Variants in CSGALNACT1 observed in about 807,000 individuals in gnomAD.
CSGALNACT1 encodes beta4GalNAcT-1.
In CSGALNACT1, 52 loss-of-function variants were observed where a neutral mutation model predicts 51.0. That is an observed-to-expected ratio of 1.02 (90% CI 0.82 to 1.29). CSGALNACT1 has a LOEUF of 1.29. Among genes scored for constraint, CSGALNACT1 ranks in the 50% most tolerant of loss-of-function variants. The pLI is 0.00. For synonymous variants in CSGALNACT1, 341 were observed against 254.4 expected, an observed-to-expected ratio of 1.34 and a Z score of -3.24; for missense variants, 935 against 679.2, an observed-to-expected ratio of 1.38 and a Z score of -4.19.
chr8:19,418,440 A>G (rs1585536407), intron 8 of CSGALNACT1, among the ~76,000 whole-genome samples: 1 of 152,240 alleles, frequency 6.6e-6, no homozygotes, highest in Non-Finnish European at 1.5e-5. Context: ...ACCTCTCTGT[A>G]AAGTACTGCT....
chr8:19,560,765 A>G (rs1203448045), intron 3 of CSGALNACT1, among the ~76,000 whole-genome samples: 1 of 152,248 alleles, frequency 6.6e-6, no homozygotes, highest in Admixed American at 6.5e-5. Context: ...GGACAGATGC[A>G]GAGATGCGTA....
At chr8:19,423,127 A>G (rs529969287) in intron 6 of CSGALNACT1, among the ~76,000 whole-genome samples, 1 of 152,292 alleles carries the variant, frequency 6.6e-6, no homozygotes, top group South Asian at 2.1e-4. Flanking sequence ...GAGTTCAACT[A>G]CAAAAATACC....
chr8:19,745,335 T>C lies in CSGALNACT1; in HGVS notation c.-297+12515A>G, dbSNP rs148520666. On this transcript the variant is annotated intron_variant, in intron 1 of 1. Transcript: ENST00000517494. The stretch of plus-strand genomic sequence containing the variant: ...CACATCTTATCTCTCTTTGGGTACA[T>C]ACAATCCCACTTTTGATACATAATA... Among the ~76,000 whole-genome samples, 541 of 152,336 alleles carry C rather than the reference T, an allele frequency of 3.6e-3. 1 individual carries two copies. Among genetic ancestry groups the C allele is most frequent in the Non-Finnish European group, 5.6e-3 (380 of 68,030 alleles).
At chr8:19,549,656 C>CATT (rs764757340) in intron 3 of CSGALNACT1, among the ~76,000 whole-genome samples, 46 of 83,454 alleles carry the variant, frequency 5.5e-4, no homozygotes, top group African/African-American at 1.9e-3. Flanking sequence ...CAATTTCCTA[C>CATT]TTTTTTTTTT....
At chr8:19,524,109 C>T (rs28614008) in intron 3 of CSGALNACT1, among the ~76,000 whole-genome samples, 6,345 of 152,204 alleles carry the variant, frequency 0.042, 325 homozygotes, top group East Asian at 0.14. Context: ...GCCTGGGCAA[C>T]ACAGCAAGAC....
intron 3 of CSGALNACT1, among the ~76,000 whole-genome samples, chr8:19,526,134 G>A (rs928413228): frequency 2.0e-5 from 3 of 152,252 alleles, no homozygotes; most frequent in South Asian, 2.1e-4. Flanking sequence ...CTCCCGCTAC[G>A]CTTTGTTCAA....
intron 3 of CSGALNACT1, among the ~76,000 whole-genome samples, chr8:19,586,783 G>A (rs1405056202): frequency 6.6e-6 from 1 of 152,148 alleles, no homozygotes. Flanking sequence ...AGAAAACTGG[G>A]AACCCAGAGG....
rs1171306416 is a variant in CSGALNACT1, at chr8:19,507,191, G to GGGATGA, written c.-296-1067_-296-1062dup. ...GACAGGAGATGAATTTATCATAGAA[G>GGGATGA]GGATGAGGATGGGAGAAGAAGAGAG... On this transcript the variant is annotated intron_variant, in intron 3 of 9. Coordinates refer to ENST00000454498, the Ensembl canonical transcript of CSGALNACT1. Among the ~76,000 whole-genome samples the GGGATGA allele has an allele frequency of 2.6e-5, 4 of 152,176 alleles. No individual in the cohort carries two copies. The East Asian group carries it at 7.7e-4, about 29-fold the overall frequency.
chr8:19,431,978 C>T lies in CSGALNACT1; in HGVS notation c.953+7852G>A, dbSNP rs531366326. Among the ~76,000 whole-genome samples, 115 of 151,884 alleles carry T rather than the reference C, an allele frequency of 7.6e-4. 1 individual carries two copies. Among genetic ancestry groups the T allele is most frequent in the Non-Finnish European group, 1.5e-3 (101 of 67,886 alleles). ...TTATAATTTTTTTCTATGAAGCTGT[C>T]TTTTAAATCAGCACAAAAAAAAGAG... On this transcript the variant is annotated intron_variant, in intron 6 of 9. Coordinates refer to ENST00000454498, the Ensembl canonical transcript of CSGALNACT1.
intron 1 of CSGALNACT1, among the ~76,000 whole-genome samples, chr8:19,629,988 G>A (rs2054991600): frequency 6.6e-6 from 1 of 152,174 alleles, no homozygotes; most frequent in South Asian, 2.1e-4. Context: ...CAGGGATCAG[G>A]GGAGTCCGAC....
At chr8:19,506,230 T>C (rs2077302833) in intron 3 of CSGALNACT1, 100 bp from the exon 3 acceptor site, 5 of 408,550 alleles carry the variant, frequency 1.2e-5, no homozygotes, top group Non-Finnish European at 2.4e-5. Flanking sequence ...GTGAGAGTTA[T>C]GGCAAATGCC....
chr8:19,453,305 C>T (rs1355682388), intron 5 of CSGALNACT1, among the ~76,000 whole-genome samples: 2 of 152,092 alleles, frequency 1.3e-5, no homozygotes, highest in African/African-American at 4.8e-5. Flanking sequence ...ACTGTGTGCT[C>T]GGAAAATAAA....
chr8:19,681,594 A>G (rs1442992281), intron 1 of CSGALNACT1, among the ~76,000 whole-genome samples: 1 of 152,156 alleles, frequency 6.6e-6, no homozygotes, highest in Non-Finnish European at 1.5e-5. Context: ...AAAAATAACA[A>G]ACAGACATTT....
chr8:19,550,917 G>A (rs954055316), intron 3 of CSGALNACT1, among the ~76,000 whole-genome samples: 3 of 152,132 alleles, frequency 2.0e-5, no homozygotes, highest in Non-Finnish European at 4.4e-5. Context: ...CCAAGTCCAA[G>A]GCTTCTGGAA....
intron 4 of CSGALNACT1, among the ~76,000 whole-genome samples, chr8:19,495,606 T>C (rs2075313409): frequency 6.6e-6 from 1 of 151,960 alleles, no homozygotes; most frequent in Non-Finnish European, 1.5e-5. Flanking sequence ...TACTGATGGG[T>C]CCTTAGGGCA....
At chr8:19,604,107 G>A (rs1654197222), upstream of CSGALNACT1, among the ~76,000 whole-genome samples, 1 of 152,122 alleles carries the variant, frequency 6.6e-6, no homozygotes, top group South Asian at 2.1e-4. Context: ...GCCGTTCCAA[G>A]CATCATATTC....
intron 3 of CSGALNACT1, among the ~76,000 whole-genome samples, chr8:19,542,875 G>T (rs762567695): frequency 5.3e-5 from 8 of 152,204 alleles, no homozygotes; most frequent in Middle Eastern, 3.4e-3. Context: ...ATTTTAAGAA[G>T]CCCTTCTGTA....
chr8:19,680,148 A>AAAT (rs2060488742), intron 1 of CSGALNACT1, among the ~76,000 whole-genome samples: 2 of 152,320 alleles, frequency 1.3e-5, no homozygotes, highest in African/African-American at 4.8e-5. Context: ...AAACTACCTG[A>AAAT]AATAGTATAG....
intron 1 of CSGALNACT1, among the ~76,000 whole-genome samples, chr8:19,725,390 A>T (rs28600099): frequency 0.22 from 34,000 of 151,396 alleles, 4,286 homozygotes; most frequent in East Asian, 0.39. Context: ...CCTGAATTTC[A>T]TTAAAGACTT....
Sources: allele counts gnomAD v4.1 joint callset (sites outside exome capture counted in the v4.1 genomes callset), GRCh38; gene constraint gnomAD v4.1.1; transcripts MANE v1.5; gene names NCBI Gene and HGNC (gene_info 2026-07-23, HGNC 2026-07-21).